The following HMGCLL1 variants were observed in gnomAD, a reference collection of about 807,000 sequenced individuals.
HMGCLL1 encodes the protein 3-hydroxymethyl-3-methylglutaryl-CoA lyase, cytoplasmic.
A neutral mutation model predicts 39.1 loss-of-function variants in HMGCLL1; 36 were observed. The ratio of observed to expected loss-of-function variants is 0.92; its 90% CI spans 0.71 to 1.22. The LOEUF (loss-of-function observed/expected upper bound fraction) is 1.22. HMGCLL1 is among the 50% of genes most tolerant of loss of function. The pLI is 0.00. For synonymous variants in HMGCLL1, 149 were observed against 144.0 expected (o/e 1.03, Z -0.25); for missense variants, 451 against 416.5 (o/e 1.08, Z -0.72).
chr6:55,653,453 T>C, the HMGCLL1 span, among the ~76,000 whole-genome samples: 1 of 152,046 alleles, frequency 6.6e-6, no homozygotes. Flanking sequence ...AAAAAATACA[T>C]TTTTTATTAC....
At chr6:55,562,081 T>A (rs1359349369) in intron 1 of HMGCLL1, among the ~76,000 whole-genome samples, 1 of 152,144 alleles carries the variant, frequency 6.6e-6, no homozygotes, top group Admixed American at 6.6e-5. Context: ...ATAAGTGAAC[T>A]AAGCCTCTAA....
the HMGCLL1 span, among the ~76,000 whole-genome samples, chr6:55,608,199 A>G: frequency 5.3e-5 from 8 of 152,144 alleles, no homozygotes; most frequent in Non-Finnish European, 1.5e-5. Context: ...ACTTTTTCTG[A>G]TCTTCCTTCA....
the HMGCLL1 span, among the ~76,000 whole-genome samples, chr6:55,644,389 C>G: frequency 2.0e-5 from 3 of 151,946 alleles, no homozygotes; most frequent in Admixed American, 1.3e-4. Flanking sequence ...TGTCCAGAAG[C>G]TTTTTACCTT....
chr6:55,493,659 C>T (rs949819262), intron 7 of HMGCLL1, among the ~76,000 whole-genome samples: 4 of 152,136 alleles, frequency 2.6e-5, no homozygotes, highest in African/African-American at 7.2e-5. Flanking sequence ...TTTTCACACA[C>T]GTGCACACAC....
intron 1 of HMGCLL1, among the ~76,000 whole-genome samples, chr6:55,545,223 A>AG (rs1385671369): frequency 3.5e-5 from 2 of 57,328 alleles, no homozygotes; most frequent in Admixed American, 5.3e-4. Flanking sequence ...AAAAAAAAAA[A>AG]AAAAAGAAGA....
At position 55,435,022 on chromosome 6, in the gene HMGCLL1, G is replaced by T. The variant is rs1763315303; in HGVS notation, c.*640C>A. 2 of 152,524 alleles carry T rather than the reference G, an allele frequency of 1.3e-5. No homozygotes were observed. Among genetic ancestry groups the T allele is most frequent in the Admixed American group, 6.6e-5 (1 of 15,228 alleles). 9.4% of individuals were successfully genotyped at this position (152,524 alleles called of 1,614,324 possible). On this transcript the variant is annotated 3_prime_UTR_variant, in exon 9 of 9. Coordinates refer to ENST00000274901, the MANE Select transcript of HMGCLL1 (RefSeq NM_001042406.2). ...TAAACTGGATGCATGTAACAAACAT[G>T]GGAGGTCGTAATATGTTTCCAGGAT...
At chr6:55,464,493 A>G (rs1250085448) in intron 7 of HMGCLL1, among the ~76,000 whole-genome samples, 1 of 152,180 alleles carries the variant, frequency 6.6e-6, no homozygotes, top group Non-Finnish European at 1.5e-5. Context: ...CAAGTTCTCC[A>G]AAACACAAGC....
intron 7 of HMGCLL1, among the ~76,000 whole-genome samples, chr6:55,486,796 A>G (rs2127417374): frequency 6.6e-6 from 1 of 152,224 alleles, no homozygotes; most frequent in East Asian, 1.9e-4. Context: ...TGGTTTATAA[A>G]TAATAGAGAT....
Position 55,485,475 on chromosome 6 carries a change from T to C in HMGCLL1, c.795+9944A>G, listed in dbSNP as rs1317816607. Among the ~76,000 whole-genome samples the C allele has an allele frequency of 2.0e-5, 3 of 150,774 alleles. No homozygotes were observed. The Admixed American group carries it at 2.0e-4, about 10-fold the overall frequency. On this transcript the variant is annotated intron_variant, in intron 7 of 8. Coordinates refer to ENST00000274901, the MANE Select transcript of HMGCLL1 (RefSeq NM_001042406.2). ...AAATAAATTCATAAATTAATAAATA[T>C]AAATGTAAAGTACATATGCATTAAA... is the stretch of plus-strand genomic sequence containing the variant.
intron 1 of HMGCLL1, among the ~76,000 whole-genome samples, chr6:55,573,843 T>A (rs965919276): frequency 1.3e-5 from 2 of 152,030 alleles, no homozygotes; most frequent in African/African-American, 4.8e-5. Flanking sequence ...ATCCAAGAAG[T>A]GTTGTACATT....
the HMGCLL1 span, among the ~76,000 whole-genome samples, chr6:55,646,001 C>A: frequency 8.6e-5 from 13 of 151,796 alleles, no homozygotes; most frequent in Non-Finnish European, 1.8e-4. Flanking sequence ...TGATAGAAAT[C>A]AGCAGCAAAG....
At chr6:55,566,622 C>A (rs1346983494) in intron 1 of HMGCLL1, 1 of 456,050 alleles carries the variant, frequency 2.2e-6, no homozygotes, top group South Asian at 1.5e-5. Context: ...TGTTTCTACT[C>A]CTTCTCCTGT....
chr6:55,506,263 C>T (rs1181836494), intron 5 of HMGCLL1, among the ~76,000 whole-genome samples: 4 of 151,686 alleles, frequency 2.6e-5, no homozygotes, highest in African/African-American at 7.3e-5. Context: ...TTGAAACTTT[C>T]TATACCTTTT....
At chr6:55,550,995 A>G (rs562837408) in intron 1 of HMGCLL1, among the ~76,000 whole-genome samples, 3 of 151,400 alleles carry the variant, frequency 2.0e-5, no homozygotes, top group Non-Finnish European at 2.9e-5. Context: ...CTTCAATGTA[A>G]AAGTCATGAT....
intron 7 of HMGCLL1, among the ~76,000 whole-genome samples, chr6:55,446,473 G>A (rs754123433): frequency 3.3e-5 from 5 of 151,852 alleles, no homozygotes; most frequent in African/African-American, 4.8e-5. Flanking sequence ...TGTGTGCTCC[G>A]TCTACTTGAG....
At chr6:55,481,600 TAGGCTCAGTCTGTGTAAGCTAGTGAA>T (rs1175687986) in intron 7 of HMGCLL1, among the ~76,000 whole-genome samples, 1 of 151,886 alleles carries the variant, frequency 6.6e-6, no homozygotes, top group Non-Finnish European at 1.5e-5. Flanking sequence ...ACTCTTAGAG[TAGGCTCAGTCTGTGTAAGCTAGTGAA>T]AGCATGCCCT....
At chr6:55,611,138 A>G in the HMGCLL1 span, among the ~76,000 whole-genome samples, 1 of 152,202 alleles carries the variant, frequency 6.6e-6, no homozygotes, top group African/African-American at 2.4e-5. Flanking sequence ...AAGGAAATTG[A>G]ACAACCTGCT....
intron 7 of HMGCLL1, among the ~76,000 whole-genome samples, chr6:55,459,978 A>G (rs776860788): frequency 2.0e-5 from 3 of 152,020 alleles, no homozygotes; most frequent in Non-Finnish European, 4.4e-5. Context: ...ATTTCAGCTA[A>G]TGTCTATAGA....
At chr6:55,658,363 A>T in the HMGCLL1 span, among the ~76,000 whole-genome samples, 2 of 151,968 alleles carry the variant, frequency 1.3e-5, no homozygotes, top group Non-Finnish European at 2.9e-5. Context: ...CAAAAATATC[A>T]TCTCTGATCC....
Sources: gnomAD v4.1 joint callset for allele counts (sites outside exome capture counted in the v4.1 genomes callset) on GRCh38, gnomAD v4.1.1 for gene constraint, MANE v1.5 for transcripts, NCBI Gene and HGNC (gene_info 2026-07-23, HGNC 2026-07-21) for gene names.